SANBR: variants seen among roughly 807,000 people sequenced by gnomAD.
SANBR encodes the protein SANT and BTB domain regulator of class switch recombination.
A neutral mutation model predicts 101.8 loss-of-function variants in SANBR; 77 were observed. The ratio of observed to expected loss-of-function variants is 0.76; its 90% CI spans 0.63 to 0.91. SANBR has a LOEUF of 0.91. Ranked by LOEUF, SANBR falls within the 40% of genes least tolerant of loss-of-function variation. The pLI is 0.00. For missense variants in SANBR, 875 were observed against 853.0 expected, an observed-to-expected ratio of 1.03 and a Z score of -0.32; for synonymous variants, 279 against 274.7, an observed-to-expected ratio of 1.02 and a Z score of -0.15.
chr2:61,109,452 C>T (rs982808141), intron 16 of SANBR, among the ~76,000 whole-genome samples, 156 bp downstream of exon 16: 2 of 151,828 alleles, frequency 1.3e-5, no homozygotes, highest in East Asian at 1.9e-4. Context: ...TTTCCTAACC[C>T]GGGCATGAAC....
At position 61,073,490 on chromosome 2, in the gene SANBR, T is replaced by C; in HGVS notation, c.370T>C (p.Ser124Pro). 1.3e-6 allele frequency: 2 copies of C among 1,586,768 alleles called. No homozygotes were observed. Among genetic ancestry groups the C allele is most frequent in the East Asian group, 4.5e-5 (2 of 43,966 alleles). Residue 124 changes from serine (S) to proline (P), a missense_variant, in exon 5 of 22, where the codon TCT becomes CCT. Physicochemically the swap from Ser to Pro is moderately conservative, Grantham distance 74 (BLOSUM62 -1). Transcript: ENST00000402291. ...TAGTATAGCTTCCACAAGGAATTGT[T>C]CTTCAGAAAGTGAAAATTGTACTAC... ...RHSIASTRNC[S>P]SESENCTTHN...
At chr2:61,085,161 A>AT (rs1682354931) in intron 8 of SANBR, among the ~76,000 whole-genome samples, 3 of 152,318 alleles carry the variant, frequency 2.0e-5, no homozygotes, top group Middle Eastern at 6.8e-3. Flanking sequence ...TAAAATAGAA[A>AT]TTTAAGAGTA....
At chr2:61,079,261 G>A (rs1313846216) in intron 6 of SANBR, among the ~76,000 whole-genome samples, 1 of 152,030 alleles carries the variant, frequency 6.6e-6, no homozygotes, top group South Asian at 2.1e-4. Context: ...AAGAGCCAGT[G>A]TTCTAAATGG....
chr2:61,088,624 G>A lies in SANBR; in HGVS notation c.1088+156G>A, dbSNP rs563503751. ...AACCTTCCGCCTCCCAGGTTCAAGC[G>A]ATTCTCCTGCCTCAGCTTCCTGAGA... On this transcript the variant is annotated intron_variant, in intron 10 of 21. Transcript: ENST00000402291. 42 of 434,206 alleles carry A rather than the reference G, an allele frequency of 9.7e-5. No individual in the cohort carries two copies. In the East Asian group the frequency reaches 1.7e-3, roughly 17 times the overall value. 26.9% of individuals were successfully genotyped at this position (434,206 alleles called of 1,614,324 possible).
chr2:61,113,564 C>T (rs929361183), intron 16 of SANBR, among the ~76,000 whole-genome samples: 57 of 152,082 alleles, frequency 3.7e-4, no homozygotes, highest in African/African-American at 1.1e-3. Context: ...TTTATTCCTC[C>T]GTGTTTTTAT....
downstream of SANBR, among the ~76,000 whole-genome samples, chr2:61,124,468 G>A (rs1684455383): frequency 6.6e-6 from 1 of 152,268 alleles, no homozygotes; most frequent in South Asian, 2.1e-4. Flanking sequence ...TGGAGGCCAA[G>A]GCAGGAGGAT....
chr2:61,112,743 C>T (rs889629349), intron 16 of SANBR, among the ~76,000 whole-genome samples: 2 of 152,234 alleles, frequency 1.3e-5, no homozygotes, highest in Non-Finnish European at 2.9e-5. Flanking sequence ...ATCCGCCTGC[C>T]TCGGCCTCCC....
At chr2:61,106,519 A>C in intron 13 of SANBR, 44 bp from the exon 14 acceptor site, 1 of 1,329,840 alleles carries the variant, frequency 7.5e-7, no homozygotes, top group Non-Finnish European at 1.1e-6. Context: ...TTAAATTTTT[A>C]AGAAAGTAAA....
chr2:61,136,724 C>A (rs991923028), intron 21 of SANBR, among the ~76,000 whole-genome samples: 1 of 151,554 alleles, frequency 6.6e-6, no homozygotes, highest in African/African-American at 2.4e-5. Flanking sequence ...GTAATCCCAG[C>A]ACTTTGGGAG....
chr2:61,118,017 T>C lies in SANBR; in HGVS notation c.1940-11T>C, dbSNP rs1684157462. ...TATGAAAAGTAAAGTTTACTGTTTT[T>C]TTCCCTTCAGATCAACGGCGAATGA... On this transcript the variant is annotated splice_polypyrimidine_tract_variant and intron_variant, in intron 19 of 21. Transcript: ENST00000402291. The C allele has an allele frequency of 6.2e-7, 1 of 1,605,548 alleles. No homozygotes were observed. Among genetic ancestry groups the C allele is most frequent in the South Asian group, 1.1e-5 (1 of 89,990 alleles).
chr2:61,091,230 G>T (rs1682738749), intron 10 of SANBR, among the ~76,000 whole-genome samples: 1 of 152,018 alleles, frequency 6.6e-6, no homozygotes, highest in Non-Finnish European at 1.5e-5. Context: ...GATTGCTTAA[G>T]GGCAGGAGTT....
At chr2:61,088,051 A>G in intron 8 of SANBR, 108 bp from the exon 9 acceptor site, 1 of 586,464 alleles carries the variant, frequency 1.7e-6, no homozygotes, top group East Asian at 2.9e-5. Flanking sequence ...CAAGAGAGCC[A>G]CTAAGGATTT....
intron 16 of SANBR, among the ~76,000 whole-genome samples, chr2:61,109,677 G>GTTTTTTTTTTTTT (rs1363427197): frequency 9.1e-5 from 10 of 109,492 alleles, no homozygotes; most frequent in Admixed American, 1.9e-4. Context: ...TTTTTTTTGT[G>GTTTTTTTTTTTTT]TTTGTTTTTT....
At position 61,083,350 on chromosome 2, in the gene SANBR, C is replaced by T. The variant is rs201014246; in HGVS notation, c.890+36C>T. The T allele has an allele frequency of 5.1e-5, 60 of 1,182,954 alleles. No homozygotes were observed. The Admixed American group carries it at 1.1e-3, about 21-fold the overall frequency. The allele number at this position is 1,182,954 out of a possible 1,614,324, so 73.3% of individuals were successfully genotyped here. On this transcript the variant is annotated intron_variant, in intron 8 of 21. Transcript: ENST00000402291. Reference sequence around the variant, plus strand: ...AAGTTTAATTTTAAACCTAATACTCCTGTTAAAAGAAATATATTTCTATTT... The same window carrying T: ...AAGTTTAATTTTAAACCTAATACTCTTGTTAAAAGAAATATATTTCTATTT...
chr2:61,084,312 G>A (rs1026460300), intron 8 of SANBR, among the ~76,000 whole-genome samples: 2 of 152,126 alleles, frequency 1.3e-5, no homozygotes, highest in African/African-American at 2.4e-5. Context: ...AATGAAGTAA[G>A]TAAAGTGAAG....
intron 8 of SANBR, among the ~76,000 whole-genome samples, chr2:61,085,529 A>G (rs2104884086): frequency 6.7e-6 from 1 of 148,766 alleles, no homozygotes; most frequent in South Asian, 2.1e-4. Context: ...TTTTTTTTTG[A>G]GACAGAATTT....
In SANBR at chr2:61,117,397, T is replaced by C. The variant is rs369105168; in HGVS notation, c.1865+12T>C. 6 of 1,613,698 alleles carry C rather than the reference T, an allele frequency of 3.7e-6. No homozygotes were observed. The highest frequency in any genetic ancestry group is 1.1e-5 in the South Asian group (1 of 91,084). On this transcript the variant is annotated intron_variant, in intron 18 of 21. Transcript: ENST00000402291. ...GTGTCTCCTTTCGTGTGAGTATTGC[T>C]CCTTAATCCAATCGGATATCCACTC...
intron 10 of SANBR, among the ~76,000 whole-genome samples, chr2:61,091,593 CAAAA>C (rs35588752): frequency 3.7e-5 from 5 of 133,668 alleles, no homozygotes; most frequent in Admixed American, 2.3e-4. Context: ...AAACTCCGTC[CAAAA>C]AAAAAAAAAA....
chr2:61,087,214 C>T (rs765177313), intron 8 of SANBR, among the ~76,000 whole-genome samples: 5 of 152,018 alleles, frequency 3.3e-5, no homozygotes, highest in South Asian at 2.1e-4. Context: ...TGGTAGGCCT[C>T]GGTTGTTAAA....
Sources: allele counts gnomAD v4.1 joint callset (sites outside exome capture counted in the v4.1 genomes callset), GRCh38; gene constraint gnomAD v4.1.1; transcripts MANE v1.5; gene names NCBI Gene and HGNC (gene_info 2026-07-23, HGNC 2026-07-21).